ZC3H18: variants seen among roughly 807,000 people sequenced by gnomAD.
The protein encoded by ZC3H18 is zinc finger CCCH-type containing 18.
ZC3H18 carries 8 observed loss-of-function variants against 106.1 expected under a neutral mutation model. That is an observed-to-expected ratio of 0.08 (90% CI 0.04 to 0.14). The LOEUF is 0.14. ZC3H18 is among the 10% of genes least tolerant of loss of function. The pLI is 1.00. For synonymous variants in ZC3H18, 635 were observed against 522.1 expected (o/e 1.22, Z -2.95); for missense variants, 1,318 against 1,278.4 (o/e 1.03, Z -0.47).
intron 8 of ZC3H18, among the ~76,000 whole-genome samples, chr16:88,615,182 GC>G (rs1905515692): frequency 8.3e-6 from 1 of 119,948 alleles, no homozygotes; most frequent in Non-Finnish European, 1.7e-5. Context: ...TTGACAGGCT[GC>G]CCCCACCTCC....
Position 88,609,022 on chromosome 16 carries a change from A to G in ZC3H18, c.1177A>G (p.Thr393Ala). 1 of 1,613,804 alleles carries G rather than the reference A, an allele frequency of 6.2e-7. No individual in the cohort carries two copies. Among genetic ancestry groups the G allele is most frequent in the Non-Finnish European group, 8.5e-7 (1 of 1,179,782 alleles). The change falls in exon 7 of 18, where the codon ACA becomes GCA. Residue 393 changes from threonine to alanine, a missense_variant. By Grantham distance (58) the Thr-to-Ala change is moderately conservative. Transcript: ENST00000301011. ...GTATGAGAATTTCAGGGTGCAGTAT[A>G]CAGAAACAGAGCCGTATCATAATTA... is the stretch of plus-strand genomic sequence containing the variant. ...GQYENFRVQY[T>A]ETEPYHNYRE...
At chr16:88,575,582 C>T (rs890702001) in intron 1 of ZC3H18, among the ~76,000 whole-genome samples, 5 of 152,086 alleles carry the variant, frequency 3.3e-5, no homozygotes, top group Non-Finnish European at 7.4e-5. Flanking sequence ...TAACACCGTC[C>T]ACTTTTAAAG....
chr16:88,577,588 T>C lies in ZC3H18; in HGVS notation c.465T>C (p.Asp155=), dbSNP rs746307079. The change falls in exon 2 of 18, where the codon GAT becomes GAC. Residue 155 remains aspartate (D), a synonymous_variant. Transcript: ENST00000301011. Reference sequence around the variant, plus strand: ...CTGAGAAAGCGGGGGCTGAGGATGATGAGGAGAAAGGCGAAGGCACTCCCA... The same window carrying C: ...CTGAGAAAGCGGGGGCTGAGGATGACGAGGAGAAAGGCGAAGGCACTCCCA... ...DEAEKAGAED[D]EEKGEGTPRE... is the part of the protein sequence containing the mutation. 1.2e-6 allele frequency: 2 copies of C among 1,613,388 alleles called. No individual in the cohort carries two copies. Among genetic ancestry groups the C allele is most frequent in the Non-Finnish European group, 8.5e-7 (1 of 1,179,824 alleles).
chr16:88,598,077 G>A, intron 3 of ZC3H18, 101 bp from the exon 4 acceptor site: 1 of 750,400 alleles, frequency 1.3e-6, no homozygotes, highest in Non-Finnish European at 2.1e-6. Context: ...TCAGGCCTGG[G>A]TAAACATGGC....
At chr16:88,624,316 G>T in intron 11 of ZC3H18, 1 of 654,274 alleles carries the variant, frequency 1.5e-6, no homozygotes, top group East Asian at 2.7e-5. Context: ...CAGCAGCCGG[G>T]TGTTCTTAAG....
chr16:88,598,439 G>T, intron 4 of ZC3H18, 113 bp downstream of exon 4: 1 of 1,502,990 alleles, frequency 6.7e-7, no homozygotes. Flanking sequence ...CCCCCTTTCG[G>T]CTGCTTCTGT....
In ZC3H18 at chr16:88,598,312, C is replaced by T; in HGVS notation, c.823C>T (p.Pro275Ser). 1 of 1,601,894 alleles carries T rather than the reference C, an allele frequency of 6.2e-7. No homozygotes were observed. The highest frequency in any genetic ancestry group is 1.3e-5 in the African/African-American group (1 of 74,094). The change falls in exon 4 of 18, where the codon CCC (proline) becomes TCC (serine). Residue 275 changes from proline (P) to serine (S), a missense_variant. This residue lies in a region of ZC3H18 where 78 missense variants were observed against 67.3 expected (regional missense o/e 1.16). Coordinates refer to ENST00000301011, the MANE Select transcript of ZC3H18 (RefSeq NM_144604.4). Reference protein sequence around the residue: ...APPLGPHPLMPANPWGGPVVD... With the variant: ...APPLGPHPLMSANPWGGPVVD... ...GCCTCTCGGACCTCACCCGCTGATG[C>T]CCGCCAACCCTTGGGTGCGTGATGC...
intron 2 of ZC3H18, among the ~76,000 whole-genome samples, chr16:88,583,294 G>T (rs1915244209): frequency 6.6e-6 from 1 of 152,268 alleles, no homozygotes; most frequent in Admixed American, 6.5e-5. Context: ...CTGTGTCATT[G>T]CTCTGAGTTA....
At chr16:88,630,759 C>T (rs1567602511) in intron 17 of ZC3H18, among the ~76,000 whole-genome samples, 178 bp downstream of exon 17, 1 of 107,284 alleles carries the variant, frequency 9.3e-6, no homozygotes, top group African/African-American at 3.1e-5. Flanking sequence ...ACCCCCCACC[C>T]CCCCCCACAC....
rs1360715748 is a variant in ZC3H18, at chr16:88,577,344, G to T, written c.221G>T (p.Ser74Ile). Reference protein sequence around the residue: ...DNHSDEEDRASEPKSQDQDSE... With the variant: ...DNHSDEEDRAIEPKSQDQDSE... Reference sequence around the variant, plus strand: ...CACTCCGACGAGGAGGACCGGGCAAGTGAGCCTAAATCCCAAGACCAGGAC... The same window carrying T: ...CACTCCGACGAGGAGGACCGGGCAATTGAGCCTAAATCCCAAGACCAGGAC... The change falls in exon 2 of 18, where the codon AGT (serine) becomes ATT (isoleucine). Residue 74 changes from serine (S) to isoleucine (I), a missense_variant. This residue lies in a region of ZC3H18 where 346 missense variants were observed against 269.0 expected (regional missense o/e 1.29). Coordinates refer to ENST00000301011, the MANE Select transcript of ZC3H18 (RefSeq NM_144604.4). 1.9e-6 allele frequency: 3 copies of T among 1,604,706 alleles called. No homozygotes were observed. Among genetic ancestry groups the T allele is most frequent in the South Asian group, 2.2e-5 (2 of 89,790 alleles).
intron 3 of ZC3H18, among the ~76,000 whole-genome samples, chr16:88,592,783 C>T (rs912377317): frequency 3.3e-5 from 5 of 152,240 alleles, no homozygotes; most frequent in African/African-American, 1.2e-4. Context: ...GCCAGGCATT[C>T]ACCATGCACT....
intron 8 of ZC3H18, among the ~76,000 whole-genome samples, chr16:88,620,829 T>G (rs1238876319): frequency 1.3e-5 from 2 of 152,156 alleles, no homozygotes; most frequent in Non-Finnish European, 2.9e-5. Flanking sequence ...TAAAGATTTA[T>G]ATATAAGGGG....
At chr16:88,579,845 A>G (rs1044557656) in intron 2 of ZC3H18, among the ~76,000 whole-genome samples, 1 of 152,166 alleles carries the variant, frequency 6.6e-6, no homozygotes, top group Non-Finnish European at 1.5e-5. Flanking sequence ...GCTCCTGGAC[A>G]CCAGCACAGG....
chr16:88,606,368 C>A (rs977251110), intron 6 of ZC3H18, among the ~76,000 whole-genome samples: 11 of 152,184 alleles, frequency 7.2e-5, no homozygotes, highest in African/African-American at 2.7e-4. Flanking sequence ...TCCGAGGCAG[C>A]CACGCTGAGG....
intron 6 of ZC3H18, among the ~76,000 whole-genome samples, chr16:88,603,623 CTTT>C (rs59222261): frequency 1.1e-4 from 15 of 132,566 alleles, no homozygotes; most frequent in East Asian, 2.4e-4. Context: ...GACTCCGTCT[CTTT>C]TTTTTTTTTT....
intron 5 of ZC3H18, 46 bp downstream of exon 5, chr16:88,598,758 A>G: frequency 1.3e-6 from 2 of 1,555,292 alleles, no homozygotes; most frequent in Non-Finnish European, 1.8e-6. Flanking sequence ...ATGCTATTAC[A>G]GGAGTGGTTC....
rs192305018 is a variant in ZC3H18 at position 88,620,158 on chromosome 16, A to G, written c.1476-2039A>G. On this transcript the variant is annotated intron_variant, in intron 8 of 17. Transcript: ENST00000301011. ...TTGGTTAAACAAGCTCTGAAAACAT[A>G]AACATTGATGGTTTTGGTGGTTTCA... Among the ~76,000 whole-genome samples, 33 of 152,352 alleles carry G rather than the reference A, an allele frequency of 2.2e-4. 1 individual carries two copies. Among genetic ancestry groups the G allele is most frequent in the Admixed American group, 1.8e-3 (28 of 15,304 alleles).
intron 3 of ZC3H18, among the ~76,000 whole-genome samples, chr16:88,589,596 C>T (rs1325552411): frequency 6.6e-6 from 1 of 151,060 alleles, no homozygotes; most frequent in Admixed American, 6.6e-5. Context: ...GATTGTGACT[C>T]ACGCCGCAAC....
At chr16:88,586,777 C>A in intron 3 of ZC3H18, 93 bp downstream of exon 3, 1 of 957,788 alleles carries the variant, frequency 1.0e-6, no homozygotes, top group Non-Finnish European at 1.7e-6. Context: ...CCCTGCTCTG[C>A]TCAAGGCAGT....
Sources: gnomAD v4.1 joint callset for allele counts (sites outside exome capture counted in the v4.1 genomes callset) on GRCh38, gnomAD v4.1.1 for gene constraint, gnomAD v4.1.1 regional missense constraint, MANE v1.5 for transcripts, NCBI Gene and HGNC (gene_info 2026-07-23, HGNC 2026-07-21) for gene names.